Variants in CCDC110 observed in about 807,000 individuals in gnomAD.
The protein encoded by CCDC110 is coiled-coil domain-containing protein 110.
A neutral mutation model predicts 77.1 loss-of-function variants in CCDC110; 70 were observed. The ratio of observed to expected loss-of-function variants is 0.91; its 90% confidence interval spans 0.75 to 1.11. CCDC110 has a LOEUF of 1.11. CCDC110 is among the 50% of genes least tolerant of loss of function. The pLI, the probability that CCDC110 is intolerant of heterozygous loss-of-function variation, is 0.00. For missense variants in CCDC110, 868 were observed against 942.9 expected, an observed-to-expected ratio of 0.92 and a Z score of 1.04; for synonymous variants, 295 against 312.5, an observed-to-expected ratio of 0.94 and a Z score of 0.59.
Position 185,462,728 on chromosome 4 carries a change from T to G in CCDC110, c.172-20A>C, listed in dbSNP as rs761397023. 5 of 1,599,362 alleles carry G rather than the reference T, an allele frequency of 3.1e-6. No homozygotes were observed. In the East Asian group the frequency reaches 1.1e-4, roughly 36 times the overall value. On this transcript the variant is annotated intron_variant, in intron 3 of 6. Transcript: ENST00000307588. ...AAGGACCTATGACAAAAGTAAAGTA[T>G]GAAATTGAGTATTTTTAGGTAGGTA...
chr4:185,461,506 C>A (rs189713377), intron 4 of CCDC110, among the ~76,000 whole-genome samples: 44 of 152,292 alleles, frequency 2.9e-4, no homozygotes, highest in African/African-American at 9.9e-4. Context: ...TATTTCCCTG[C>A]AGGTGCTTTT....
At chr4:185,448,788 G>C (rs1179451148) in intron 6 of CCDC110, among the ~76,000 whole-genome samples, 1 of 152,142 alleles carries the variant, frequency 6.6e-6, no homozygotes, top group Non-Finnish European at 1.5e-5. Flanking sequence ...GTGTGGGAAG[G>C]GGGCAGTATT....
At position 185,458,688 on chromosome 4, in the gene CCDC110, T is replaced by C. The variant is rs1561158810; in HGVS notation, c.1899A>G (p.Ile633Met). 1.9e-6 allele frequency: 3 copies of C among 1,604,270 alleles called. No homozygotes were observed. In the Admixed American group the frequency reaches 5.1e-5, roughly 27 times the overall value. ...GTTTTTCATCTTTAACTGTTTCTAT[T>C]ATTTGAAGAAGTGTCTCTTGTTCCG... ...AKTEQETLLQ[I>M]IETVKDEKLN... The change falls in exon 6 of 7, where the codon ATA becomes ATG. Residue 633 changes from isoleucine (I) to methionine (M), a missense_variant. Transcript: ENST00000307588.
rs1489010183 is a variant in CCDC110, at chr4:185,447,047, T to C, written c.2462-1505A>G. ...CTTCTATCATCTCTTCTCTAAAGTC[T>C]GCTAATATCCTCACATGGAGCTTCT... is the stretch of plus-strand genomic sequence containing the variant. On this transcript the variant is annotated intron_variant, in intron 6 of 6. Transcript: ENST00000307588. Among the ~76,000 whole-genome samples the C allele has an allele frequency of 2.0e-5, 3 of 152,236 alleles. No homozygotes were observed. In the East Asian group the frequency reaches 5.8e-4, roughly 29 times the overall value.
intron 6 of CCDC110, chr4:185,452,280 C>A: frequency 4.1e-6 from 4 of 985,416 alleles, no homozygotes; most frequent in Non-Finnish European, 4.8e-6. Context: ...TTTTCTGCAT[C>A]CATCGTCAAT....
chr4:185,470,757 T>A (rs748736393), intron 2 of CCDC110, 188 bp downstream of exon 2: 1 of 672,890 alleles, frequency 1.5e-6, no homozygotes, highest in Non-Finnish European at 2.7e-6. Flanking sequence ...CTCGTAAAAG[T>A]GTTGTGAGAA....
At chr4:185,447,310 T>C (rs763832917) in intron 6 of CCDC110, among the ~76,000 whole-genome samples, 7 of 151,818 alleles carry the variant, frequency 4.6e-5, no homozygotes, top group Non-Finnish European at 4.4e-5. Context: ...GCCTCCCGAG[T>C]AGCTGGGACT....
Position 185,445,430 on chromosome 4 carries a change from CA to C in CCDC110, c.*71del. On this transcript the variant is annotated 3_prime_UTR_variant, in exon 7 of 7. Coordinates refer to ENST00000307588, the MANE Select transcript of CCDC110 (RefSeq NM_152775.4). Reference sequence around the variant, plus strand: ...AGTCATTTGAGATGAGTTAGATATGCATAGTTCAGTTAGCAGTACAATTAAC... The same window carrying C: ...AGTCATTTGAGATGAGTTAGATATGCTAGTTCAGTTAGCAGTACAATTAAC... 9.4e-7 allele frequency: 1 copy of C among 1,062,558 alleles called. No homozygotes were observed. The allele number at this position is 1,062,558 out of a possible 1,614,324, so 65.8% of individuals were successfully genotyped here. A position where few individuals can be genotyped will look rare whatever the true frequency, so the allele number is the denominator to read the frequency against.
Position 185,471,688 on chromosome 4 carries a change from G to C in CCDC110, c.-5C>G. The C allele has an allele frequency of 6.5e-7, 1 of 1,547,824 alleles. No homozygotes were observed. Reference sequence around the variant, plus strand: ...CCAACTCTTACCCGGGCTCATCGCCGCGGCTCATCTCTCTCGCAACCGCCG... The same window carrying C: ...CCAACTCTTACCCGGGCTCATCGCCCCGGCTCATCTCTCTCGCAACCGCCG... On this transcript the variant is annotated 5_prime_UTR_variant, in exon 1 of 7. Coordinates refer to ENST00000307588, the MANE Select transcript of CCDC110 (RefSeq NM_152775.4).
rs58175666 is a variant in CCDC110, at chr4:185,450,202, T to C, written c.2462-4660A>G. On this transcript the variant is annotated intron_variant, in intron 6 of 6. Coordinates refer to ENST00000307588, the MANE Select transcript of CCDC110 (RefSeq NM_152775.4). Reference sequence around the variant, plus strand: ...ACATGCCCTGTATTTGTGACTTATGTAAAGCATCAGGTTATTTAGCCAATG... The same window carrying C: ...ACATGCCCTGTATTTGTGACTTATGCAAAGCATCAGGTTATTTAGCCAATG... 4.5e-3 allele frequency among the ~76,000 whole-genome samples: 687 copies of C among 152,354 alleles called. 6 individuals carry two copies. Among genetic ancestry groups the C allele is most frequent in the African/African-American group, 0.016 (668 of 41,584 alleles).
rs2095648874 is a variant in CCDC110, at chr4:185,462,855, TA to T, written c.171+138del. The T allele has an allele frequency of 3.9e-6, 4 of 1,021,598 alleles. No homozygotes were observed. The Admixed American group carries it at 7.8e-5, about 20-fold the overall frequency. The allele number at this position is 1,021,598 out of a possible 1,614,324, so 63.3% of individuals were successfully genotyped here. On this transcript the variant is annotated intron_variant, in intron 3 of 6. Coordinates refer to ENST00000307588, the MANE Select transcript of CCDC110 (RefSeq NM_152775.4). ...TGGTTCACATTCTTAGGCATTTTGC[TA>T]ACTCCCCAATGTGCTTTCATGGAGA...
intron 6 of CCDC110, chr4:185,452,247 T>C (rs775220835): frequency 2.0e-6 from 2 of 985,480 alleles, no homozygotes; most frequent in South Asian, 4.7e-5. Flanking sequence ...TCTCCTGTTA[T>C]GATGCCTGTA....
rs1202894176 is a variant in CCDC110, at chr4:185,445,339, T to G, written c.*163A>C. On this transcript the variant is annotated 3_prime_UTR_variant, in exon 7 of 7. Transcript: ENST00000307588. ...TTCTGAAATTCCCAGCTGAGAAAGC[T>G]TAAGTTATCTGCACCAAACCATTCT... The G allele has an allele frequency of 1.4e-6, 1 of 725,656 alleles. No homozygotes were observed. The highest frequency in any genetic ancestry group is 2.2e-6 in the Non-Finnish European group (1 of 447,924). 45.0% of individuals were successfully genotyped at this position (725,656 alleles called of 1,614,324 possible).
intron 2 of CCDC110, 135 bp from the exon 3 acceptor site, chr4:185,463,184 G>A (rs1322147564): frequency 1.6e-5 from 10 of 643,290 alleles, no homozygotes; most frequent in Non-Finnish European, 2.5e-5. Context: ...TTCACACTAT[G>A]CTAGTCACAT....
At chr4:185,463,552 T>C (rs1342147191) in intron 2 of CCDC110, among the ~76,000 whole-genome samples, 2 of 152,244 alleles carry the variant, frequency 1.3e-5, no homozygotes, top group Non-Finnish European at 2.9e-5. Context: ...TTCACAGTCT[T>C]TAGATCCCCT....
rs114616958 is a variant in CCDC110, at chr4:185,460,556, C to T, written c.349-318G>A. On this transcript the variant is annotated intron_variant, in intron 5 of 6. Transcript: ENST00000307588. ...TCATAGGTAGGTGGGAAAGATGGAACCGATAGGTCAAATGGGAGTTTCAGG... is the reference window on the plus strand; with the variant it reads ...TCATAGGTAGGTGGGAAAGATGGAATCGATAGGTCAAATGGGAGTTTCAGG... Among the ~76,000 whole-genome samples, 335 of 152,284 alleles carry T rather than the reference C, an allele frequency of 2.2e-3. 4 individuals carry two copies. Among genetic ancestry groups the T allele is most frequent in the African/African-American group, 7.8e-3 (323 of 41,564 alleles).
At chr4:185,461,585 A>G (rs953452934) in intron 4 of CCDC110, among the ~76,000 whole-genome samples, 5 of 152,194 alleles carry the variant, frequency 3.3e-5, no homozygotes, top group Non-Finnish European at 7.3e-5. Context: ...CATACCCCCA[A>G]TATCTATACT....
In CCDC110 at chr4:185,459,310, G is replaced by T; in HGVS notation, c.1277C>A (p.Ala426Glu). Reference sequence around the variant, plus strand: ...GTAATTCTGTAAGTACTGAATTTTTGCAACACACTGCTCAGTAACGGAATT... The same window carrying T: ...GTAATTCTGTAAGTACTGAATTTTTTCAACACACTGCTCAGTAACGGAATT... Reference protein sequence around the residue: ...KVNSVTEQCVAKIQYLQNYLK... With the variant: ...KVNSVTEQCVEKIQYLQNYLK... The change falls in exon 6 of 7, where the codon GCA becomes GAA. Residue 426 changes from alanine (A) to glutamate (E), a missense_variant. Coordinates refer to ENST00000307588, the MANE Select transcript of CCDC110 (RefSeq NM_152775.4). 1 of 1,612,724 alleles carries T rather than the reference G, an allele frequency of 6.2e-7. No homozygotes were observed.
chr4:185,462,726 T>A lies in CCDC110; in HGVS notation c.172-18A>T, dbSNP rs768965089. On this transcript the variant is annotated intron_variant, in intron 3 of 6. Transcript: ENST00000307588. ...TGAAGGACCTATGACAAAAGTAAAG[T>A]ATGAAATTGAGTATTTTTAGGTAGG... is the stretch of plus-strand genomic sequence containing the variant. 1 of 1,604,474 alleles carries A rather than the reference T, an allele frequency of 6.2e-7. No homozygotes were observed.
Sources: gnomAD v4.1 joint callset for allele counts (sites outside exome capture counted in the v4.1 genomes callset) on GRCh38, gnomAD v4.1.1 for gene constraint, MANE v1.5 for transcripts, NCBI Gene and HGNC (gene_info 2026-07-23, HGNC 2026-07-21) for gene names.